CYP2B6: variants seen among roughly 807,000 people sequenced by gnomAD.
CYP2B6 encodes cytochrome P450 family 2 subfamily B member 6, also known as cytochrome P450 2B6.
Under a neutral mutation model 43.4 loss-of-function variants are expected in CYP2B6, and 35 were observed. The ratio of observed to expected loss-of-function variants is 0.81; its 90% confidence interval spans 0.62 to 1.07. The LOEUF (loss-of-function observed/expected upper bound fraction) is 1.07, where lower values mean the gene tolerates loss of function less well. CYP2B6 is among the 50% of genes least tolerant of loss of function. The pLI is 0.00. For missense variants in CYP2B6, 624 were observed against 632.8 expected, an observed-to-expected ratio of 0.99 and a Z score of 0.15; for synonymous variants, 239 against 239.2, an observed-to-expected ratio of 1.00 and a Z score of 0.01.
At chr19:41,010,550 A>G (rs1162760210) in intron 6 of CYP2B6, among the ~76,000 whole-genome samples, 3 of 151,826 alleles carry the variant, frequency 2.0e-5, no homozygotes, top group Admixed American at 6.6e-5. Context: ...AGTAGCTGGA[A>G]CTACAGGCGC....
chr19:41,000,850 C>G (rs969287298), intron 1 of CYP2B6, among the ~76,000 whole-genome samples: 2 of 151,948 alleles, frequency 1.3e-5, no homozygotes, highest in African/African-American at 4.8e-5. Flanking sequence ...ACCAACCTGA[C>G]CAACATGGAG....
intron 3 of CYP2B6, among the ~76,000 whole-genome samples, chr19:41,006,252 A>G (rs1969182620): frequency 6.6e-6 from 1 of 151,530 alleles, no homozygotes; most frequent in South Asian, 2.1e-4. Context: ...TCCTGGGCCC[A>G]TGTGATCCTC....
intron 1 of CYP2B6, among the ~76,000 whole-genome samples, chr19:40,996,557 TTTG>T (rs1969002820): frequency 6.6e-6 from 1 of 152,174 alleles, no homozygotes. Flanking sequence ...ACCTGAGGTT[TTTG>T]TTGTCTTACT....
chr19:40,994,900 C>T (rs1968978927), intron 1 of CYP2B6, among the ~76,000 whole-genome samples: 1 of 152,200 alleles, frequency 6.6e-6, no homozygotes, highest in Admixed American at 6.5e-5. Flanking sequence ...TCTAGAATAT[C>T]AAGATATAGC....
intron 6 of CYP2B6, among the ~76,000 whole-genome samples, chr19:41,010,639 T>A (rs1648680030): frequency 6.6e-6 from 1 of 152,154 alleles, no homozygotes; most frequent in African/African-American, 2.4e-5. Context: ...GGTCTCGATC[T>A]CCTGACCTCA....
chr19:40,991,322 T>A lies in CYP2B6; in HGVS notation c.17T>A (p.Leu6His), dbSNP rs1305654573. MELSV[L>H]LFLALLTGLL... is the part of the protein sequence containing the mutation. Reference sequence around the variant, plus strand: ...ACCAGGACCATGGAACTCAGCGTCCTCCTCTTCCTTGCACTCCTCACAGGA... The same window carrying A: ...ACCAGGACCATGGAACTCAGCGTCCACCTCTTCCTTGCACTCCTCACAGGA... The change falls in exon 1 of 9, where the codon CTC becomes CAC. Residue 6 changes from leucine to histidine, a missense_variant. Coordinates refer to ENST00000324071, the MANE Select transcript of CYP2B6 (RefSeq NM_000767.5). 3.1e-6 allele frequency: 5 copies of A among 1,613,956 alleles called. No homozygotes were observed. Among genetic ancestry groups the A allele is most frequent in the Non-Finnish European group, 3.4e-6 (4 of 1,180,028 alleles).
intron 1 of CYP2B6, among the ~76,000 whole-genome samples, chr19:40,991,732 G>A (rs569922403): frequency 3.9e-5 from 6 of 152,166 alleles, no homozygotes; most frequent in African/African-American, 1.4e-4. Context: ...GACACCACAC[G>A]GCAGTATGGT....
chr19:41,011,330 A>C (rs1449267050), intron 6 of CYP2B6, among the ~76,000 whole-genome samples: 2 of 152,150 alleles, frequency 1.3e-5, no homozygotes, highest in Non-Finnish European at 2.9e-5. Context: ...CACTAATTTA[A>C]TTATTCACTT....
intron 3 of CYP2B6, among the ~76,000 whole-genome samples, chr19:41,005,116 T>G (rs1241263634): frequency 1.3e-5 from 2 of 152,136 alleles, no homozygotes; most frequent in Non-Finnish European, 2.9e-5. Context: ...TAATGAACTG[T>G]GTTTTCCTTG....
intron 1 of CYP2B6, among the ~76,000 whole-genome samples, chr19:41,001,034 C>T (rs149312374): frequency 2.3e-4 from 35 of 151,670 alleles, no homozygotes; most frequent in Admixed American, 4.6e-4. Context: ...AGTGAAACTC[C>T]ATCTCAAAAA....
At chr19:40,998,365 G>T (rs1248094001) in intron 1 of CYP2B6, among the ~76,000 whole-genome samples, 1 of 151,986 alleles carries the variant, frequency 6.6e-6, no homozygotes, top group Non-Finnish European at 1.5e-5. Context: ...TACAAATTTG[G>T]AAACAAGCAA....
chr19:41,000,160 C>G (rs142458860), intron 1 of CYP2B6, among the ~76,000 whole-genome samples: 22 of 152,108 alleles, frequency 1.4e-4, no homozygotes, highest in Non-Finnish European at 2.5e-4. Flanking sequence ...CTTAGCTATT[C>G]AGGCAGGCAG....
At position 41,008,460 on chromosome 19, in the gene CYP2B6, G is replaced by A. The variant is rs1384638016; in HGVS notation, c.646-759G>A. 1.2e-4 allele frequency among the ~76,000 whole-genome samples: 16 copies of A among 135,878 alleles called. 1 individual carries two copies. Among genetic ancestry groups the A allele is most frequent in the Admixed American group, 4.6e-4 (6 of 13,144 alleles). 89.1% of individuals were successfully genotyped at this position (135,878 alleles called of 152,430 possible). On this transcript the variant is annotated intron_variant, in intron 4 of 8. Coordinates refer to ENST00000324071, the MANE Select transcript of CYP2B6 (RefSeq NM_000767.5). Reference sequence around the variant, plus strand: ...ATAGCTACAGCTATTAAGCAGGGATGTATGTTGGATTCACATGTGGGGTTG... The same window carrying A: ...ATAGCTACAGCTATTAAGCAGGGATATATGTTGGATTCACATGTGGGGTTG...
chr19:40,991,349 T>A lies in CYP2B6; in HGVS notation c.44T>A (p.Leu15His). The change falls in exon 1 of 9, where the codon CTC becomes CAC. Residue 15 changes from leucine to histidine, a missense_variant. Coordinates refer to ENST00000324071, the MANE Select transcript of CYP2B6 (RefSeq NM_000767.5). Reference sequence around the variant, plus strand: ...CTCTTCCTTGCACTCCTCACAGGACTCTTGCTACTCCTGGTTCAGCGCCAC... The same window carrying A: ...CTCTTCCTTGCACTCCTCACAGGACACTTGCTACTCCTGGTTCAGCGCCAC... Reference protein sequence around the residue: ...VLLFLALLTGLLLLLVQRHPN... With the variant: ...VLLFLALLTGHLLLLVQRHPN... 6.2e-7 allele frequency: 1 copy of A among 1,614,074 alleles called. No individual in the cohort carries two copies. Among genetic ancestry groups the A allele is most frequent in the Non-Finnish European group, 8.5e-7 (1 of 1,180,026 alleles).
chr19:40,998,007 C>T (rs1969022795), intron 1 of CYP2B6, among the ~76,000 whole-genome samples: 1 of 152,026 alleles, frequency 6.6e-6, no homozygotes, highest in Non-Finnish European at 1.5e-5. Flanking sequence ...GAGACTGAGG[C>T]AGGAGGATGA....
chr19:41,012,948 T>C, intron 8 of CYP2B6, 133 bp downstream of exon 8: 1 of 1,062,306 alleles, frequency 9.4e-7, no homozygotes, highest in Non-Finnish European at 1.4e-6. Context: ...CTTATCCCAT[T>C]CCATCTTCAC....
intron 5 of CYP2B6, chr19:41,009,645 G>A: frequency 3.3e-6 from 2 of 613,058 alleles, no homozygotes; most frequent in Non-Finnish European, 2.9e-6. Context: ...ATGAAAGACA[G>A]AGGGAGAGAG....
chr19:41,016,241 G>C (rs1489489696), intron 8 of CYP2B6, among the ~76,000 whole-genome samples: 193 of 151,764 alleles, frequency 1.3e-3, no homozygotes, highest in African/African-American at 4.5e-3. Flanking sequence ...ACTAAAAATA[G>C]AAGAAATTAG....
intron 1 of CYP2B6, among the ~76,000 whole-genome samples, chr19:40,992,413 C>T (rs1020362791): frequency 6.6e-6 from 1 of 152,046 alleles, no homozygotes; most frequent in African/African-American, 2.4e-5. Flanking sequence ...TCACAATGGA[C>T]AATGTCAACG....
Sources: gnomAD v4.1 joint callset for allele counts (sites outside exome capture counted in the v4.1 genomes callset) on GRCh38, gnomAD v4.1.1 for gene constraint, MANE v1.5 for transcripts, NCBI Gene and HGNC (gene_info 2026-07-23, HGNC 2026-07-21) for gene names.